Variants in PDZD2 observed in about 807,000 individuals in gnomAD.
The protein encoded by PDZD2 is PDZ domain-containing protein 2.
Under a neutral mutation model 220.7 loss-of-function variants are expected in PDZD2, and 90 were observed. The observed-to-expected ratio is 0.41, with a 90% CI of 0.34 to 0.49. The LOEUF is 0.49. Ranked by LOEUF, PDZD2 falls within the 20% of genes least tolerant of loss-of-function variation. The pLI is 0.28. For synonymous variants in PDZD2, 1,375 were observed against 1,450.5 expected (o/e 0.95, Z 1.18); for missense variants, 3,174 against 3,608.5 (o/e 0.88, Z 3.08).
Position 32,098,534 on chromosome 5 carries a change from A to T in PDZD2, c.8118A>T (p.Lys2706Asn). The part of the protein sequence containing the change: ...LHKDALVVIK[K>N]GMDQPRPSAR... ...AAGATGCCCTCGTGGTCATCAAGAA[A>T]GGGATGGATCAGCCCAGGCCCTCTG... Residue 2706 changes from lysine to asparagine, a missense_variant, in exon 23 of 25, where the codon AAA (lysine) becomes AAT (asparagine). Physicochemically the swap from Lys to Asn is moderately conservative, Grantham distance 94. Transcript: ENST00000438447. This position sits in a 1 kb window ranked among gnomAD's most constrained non-coding sequence, Gnocchi z 4.1. 3 of 1,614,148 alleles carry T rather than the reference A, an allele frequency of 1.9e-6. No homozygotes were observed. Among genetic ancestry groups the T allele is most frequent in the Non-Finnish European group, 2.5e-6 (3 of 1,180,004 alleles).
chr5:31,684,909 T>C (rs1450791199), intron 1 of PDZD2, among the ~76,000 whole-genome samples: 2 of 152,224 alleles, frequency 1.3e-5, no homozygotes, highest in Non-Finnish European at 2.9e-5. Context: ...TTATTTTCTC[T>C]AAAACACTTG....
chr5:31,924,711 C>G (rs138200648), intron 2 of PDZD2, among the ~76,000 whole-genome samples: 9 of 152,198 alleles, frequency 5.9e-5, no homozygotes, highest in Non-Finnish European at 1.3e-4. Context: ...TGGACACCAG[C>G]AGGATCATAC....
At chr5:31,663,502 A>T (rs1468536088) in intron 1 of PDZD2, among the ~76,000 whole-genome samples, 2 of 152,216 alleles carry the variant, frequency 1.3e-5, no homozygotes, top group African/African-American at 4.8e-5. Flanking sequence ...AAACAAGTGT[A>T]CTAGATTTGT....
At position 31,794,933 on chromosome 5, in the gene PDZD2, C is replaced by T. The variant is rs368610313; in HGVS notation, c.-360-3956C>T. Among the ~76,000 whole-genome samples the T allele has an allele frequency of 5.9e-5, 9 of 152,166 alleles. No homozygotes were observed. The East Asian group carries it at 1.2e-3, about 20-fold the overall frequency. ...AAGGGAGAGCTAGTACATGACAGCC[C>T]GGTGTGAATCTGATTTTAAGGCAAG... On this transcript the variant is annotated intron_variant, in intron 1 of 24. Transcript: ENST00000438447.
At position 31,697,798 on chromosome 5, in the gene PDZD2, G is replaced by C. The variant is rs1408731340; in HGVS notation, c.-361+58361G>C. Among the ~76,000 whole-genome samples the C allele has an allele frequency of 2.0e-5, 3 of 152,190 alleles. No homozygotes were observed. In the South Asian group the frequency reaches 6.2e-4, roughly 32 times the overall value. ...CAAGCCAAGAAGCCACGAGACCTTT[G>C]GGTCTGGTTGGGATGCCCTGGCAGT... On this transcript the variant is annotated intron_variant, in intron 1 of 24. Transcript: ENST00000438447.
intron 2 of PDZD2, among the ~76,000 whole-genome samples, chr5:31,871,531 A>T (rs576568421): frequency 1.3e-5 from 2 of 152,152 alleles, no homozygotes; most frequent in African/African-American, 4.8e-5. Context: ...GGCTCAGTGC[A>T]ACGTCCGCCT....
intron 1 of PDZD2, among the ~76,000 whole-genome samples, chr5:31,683,263 A>G (rs758858688): frequency 1.3e-5 from 2 of 151,974 alleles, no homozygotes; most frequent in African/African-American, 4.8e-5. Flanking sequence ...AAAGAAGGTC[A>G]TAAGATTGTC....
intron 2 of PDZD2, among the ~76,000 whole-genome samples, chr5:31,849,965 C>T (rs866948925): frequency 6.4e-5 from 2 of 31,186 alleles, no homozygotes; most frequent in African/African-American, 2.2e-4. Flanking sequence ...TATATATACA[C>T]ATATATATAT....
intron 23 of PDZD2, chr5:32,100,217 T>G (rs905347220): frequency 1.3e-5 from 2 of 155,722 alleles, no homozygotes; most frequent in East Asian, 3.8e-4. Context: ...GACAATGGAC[T>G]GGCCTTTATG....
chr5:31,737,399 C>G (rs2150162278), intron 1 of PDZD2, among the ~76,000 whole-genome samples: 1 of 152,134 alleles, frequency 6.6e-6, no homozygotes, highest in South Asian at 2.1e-4. Context: ...GTCTTGATCT[C>G]CTGACCTCGT....
chr5:31,862,970 G>C (rs1403829566), intron 2 of PDZD2, among the ~76,000 whole-genome samples: 1 of 152,076 alleles, frequency 6.6e-6, no homozygotes, highest in Non-Finnish European at 1.5e-5. Context: ...CTTGTGATCT[G>C]CCTGCCTCGG....
At chr5:31,874,227 A>G (rs985269158) in intron 2 of PDZD2, among the ~76,000 whole-genome samples, 3 of 152,320 alleles carry the variant, frequency 2.0e-5, no homozygotes, top group East Asian at 1.9e-4. Context: ...TCACTGCTAA[A>G]AAATACCTTC....
At chr5:32,043,704 C>T (rs1328559363) in intron 7 of PDZD2, among the ~76,000 whole-genome samples, 1 of 152,124 alleles carries the variant, frequency 6.6e-6, no homozygotes, top group African/African-American at 2.4e-5. Context: ...CTCAGCTCAC[C>T]ACAACCTCCG....
intron 19 of PDZD2, among the ~76,000 whole-genome samples, chr5:32,079,807 G>A (rs771091909): frequency 5.3e-5 from 8 of 151,270 alleles, no homozygotes; most frequent in East Asian, 2.0e-4. Context: ...GCGAGACTCC[G>A]TCTCAGAAAA....
intron 2 of PDZD2, chr5:31,936,232 T>C (rs1215496442): frequency 1.0e-6 from 1 of 987,630 alleles, no homozygotes; most frequent in Non-Finnish European, 1.2e-6. Flanking sequence ...AACCCAGGAC[T>C]TTAAAGACCT....
chr5:31,811,090 C>T (rs1755084820), intron 2 of PDZD2, among the ~76,000 whole-genome samples: 1 of 152,200 alleles, frequency 6.6e-6, no homozygotes, highest in African/African-American at 2.4e-5. Context: ...CGGCTTCAAG[C>T]AATTCTTCTG....
At chr5:31,947,142 G>A (rs903482412) in intron 2 of PDZD2, among the ~76,000 whole-genome samples, 9 of 152,132 alleles carry the variant, frequency 5.9e-5, no homozygotes, top group African/African-American at 1.7e-4. Context: ...GGTGCCCCTC[G>A]GTTTAGAGGG....
intron 2 of PDZD2, among the ~76,000 whole-genome samples, chr5:31,920,705 T>C (rs1604974): frequency 0.43 from 64,647 of 151,870 alleles, 14,449 homozygotes; most frequent in African/African-American, 0.58. Flanking sequence ...ACCAAATGTA[T>C]AATGACATGT....
chr5:32,008,478 GTTTCACCATGTTGGCCAGGCTGGTC>G, intron 5 of PDZD2, among the ~76,000 whole-genome samples: 1 of 151,898 alleles, frequency 6.6e-6, no homozygotes, highest in Non-Finnish European at 1.5e-5. Flanking sequence ...GACGGATGGG[GTTTCACCATGTTGGCCAGGCTGGTC>G]TTGAACTCCT....
Sources: allele counts gnomAD v4.1 joint callset (sites outside exome capture counted in the v4.1 genomes callset), GRCh38; gene constraint gnomAD v4.1.1; non-coding constraint Gnocchi (gnomAD v3.1); transcripts MANE v1.5; gene names NCBI Gene and HGNC (gene_info 2026-07-23, HGNC 2026-07-21).